The following GALNT12 variants were observed in gnomAD, a reference collection of about 807,000 sequenced individuals.
GALNT12 encodes UDP-GalNAc:polypeptide N-acetylgalactosaminyltransferase 12.
GALNT12 carries 45 observed loss-of-function variants against 55.5 expected under a neutral mutation model. That is an observed-to-expected ratio of 0.81 (90% CI 0.64 to 1.04). GALNT12 has a LOEUF of 1.04. Among genes scored for constraint, GALNT12 ranks in the 50% least tolerant of loss-of-function variants. GALNT12 has a pLI of 0.00. For synonymous variants in GALNT12, 304 were observed against 312.2 expected (o/e 0.97, Z 0.28); for missense variants, 709 against 754.8 (o/e 0.94, Z 0.71).
intron 9 of GALNT12, among the ~76,000 whole-genome samples, chr9:98,848,186 AT>A (rs891720025): frequency 6.6e-6 from 1 of 152,132 alleles, no homozygotes; most frequent in African/African-American, 2.4e-5. Flanking sequence ...ATGAGTTTGG[AT>A]TTTTTTGAAT....
At chr9:98,838,042 G>C (rs978775783) in intron 6 of GALNT12, among the ~76,000 whole-genome samples, 2 of 152,158 alleles carry the variant, frequency 1.3e-5, no homozygotes, top group Admixed American at 6.5e-5. Flanking sequence ...TAGCCAGTAG[G>C]GTGAGTCCAC....
intron 2 of GALNT12, among the ~76,000 whole-genome samples, chr9:98,823,819 G>A (rs973865882): frequency 3.9e-4 from 59 of 152,174 alleles, no homozygotes; most frequent in African/African-American, 1.3e-3. Flanking sequence ...CCAGCTGTGC[G>A]GGGAATGGCC....
intron 1 of GALNT12, among the ~76,000 whole-genome samples, chr9:98,814,555 C>T (rs1484739093): frequency 2.0e-5 from 3 of 151,740 alleles, no homozygotes; most frequent in South Asian, 2.1e-4. Context: ...ACTAAAAATA[C>T]AAAAATTAGC....
rs1272530441 is a variant in GALNT12 at position 98,837,123 on chromosome 9, A to G, written c.1187A>G (p.Tyr396Cys). The G allele has an allele frequency of 1.1e-5, 17 of 1,613,990 alleles. No homozygotes were observed. The highest frequency in any genetic ancestry group is 1.4e-5 in the Non-Finnish European group (17 of 1,180,032). Residue 396 changes from tyrosine (Y) to cysteine (C), a missense_variant, in exon 6 of 10, where the codon TAC (tyrosine) becomes TGC (cysteine). By Grantham distance (194) the Tyr-to-Cys change is radical. This residue lies in a region of GALNT12 where 262 missense variants were observed against 310.7 expected (regional missense o/e 0.84). Coordinates refer to ENST00000375011, the MANE Select transcript of GALNT12 (RefSeq NM_024642.5). ...ATGGATGAATTTAAAGAGCTCTACT[A>G]CCATCGCAACCCCCGTGCCCGCTTG... Reference protein sequence around the residue: ...VWMDEFKELYYHRNPRARLEP... With the variant: ...VWMDEFKELYCHRNPRARLEP...
At chr9:98,814,239 G>C (rs544798474) in intron 1 of GALNT12, among the ~76,000 whole-genome samples, 2 of 152,242 alleles carry the variant, frequency 1.3e-5, no homozygotes, top group Non-Finnish European at 2.9e-5. Flanking sequence ...AATTGGAAAA[G>C]GTTGGCTCTT....
intron 7 of GALNT12, among the ~76,000 whole-genome samples, chr9:98,842,434 C>T (rs1468918106): frequency 1.3e-5 from 2 of 152,174 alleles, no homozygotes; most frequent in African/African-American, 4.8e-5. Context: ...AGCATTTCTC[C>T]TGCCAAGGCC....
chr9:98,835,692 C>T (rs1836124853), intron 5 of GALNT12, among the ~76,000 whole-genome samples: 1 of 151,604 alleles, frequency 6.6e-6, no homozygotes. Flanking sequence ...GAAGTGGCCT[C>T]TTTATTTAGC....
rs200788044 is a variant in GALNT12, at chr9:98,840,127, C to G, written c.1338C>G (p.Phe446Leu). The change falls in exon 7 of 10, where the codon TTC becomes TTG. Residue 446 changes from phenylalanine to leucine, a missense_variant. By Grantham distance (22) the Phe-to-Leu change is conservative (BLOSUM62 0). Coordinates refer to ENST00000375011, the MANE Select transcript of GALNT12 (RefSeq NM_024642.5). Reference sequence around the variant, plus strand: ...TGCCTGAGGACAGGCCTGGCTTCTTCGGGATGGTGAGTGAGGGTGGTGGGC... The same window carrying G: ...TGCCTGAGGACAGGCCTGGCTTCTTGGGGATGGTGAGTGAGGGTGGTGGGC... The part of the protein sequence containing the change: ...LHVPEDRPGF[F>L]GMLQNKGLTD... 34 of 1,613,424 alleles carry G rather than the reference C, an allele frequency of 2.1e-5. No homozygotes were observed. The highest frequency in any genetic ancestry group is 2.8e-5 in the Non-Finnish European group (33 of 1,179,916).
intron 4 of GALNT12, among the ~76,000 whole-genome samples, chr9:98,833,103 T>G (rs1836042592): frequency 6.6e-6 from 1 of 152,086 alleles, no homozygotes; most frequent in Non-Finnish European, 1.5e-5. Flanking sequence ...AGTCAAGCTC[T>G]GAGTAGAATG....
rs142298693 is a variant in GALNT12, at chr9:98,827,268, C to T, written c.731+327C>T. On this transcript the variant is annotated intron_variant, in intron 3 of 9. Transcript: ENST00000375011. Reference sequence around the variant, plus strand: ...GTGTAATGGTGTGATCTCGGCTCACCGCACCCTCTGCCTCCCGGGATCAAG... The same window carrying T: ...GTGTAATGGTGTGATCTCGGCTCACTGCACCCTCTGCCTCCCGGGATCAAG... 3.8e-3 allele frequency among the ~76,000 whole-genome samples: 573 copies of T among 151,664 alleles called. 5 individuals carry two copies. The highest frequency in any genetic ancestry group is 0.012 in the East Asian group (63 of 5,154).
intron 9 of GALNT12, chr9:98,847,222 C>G (rs1210602168): frequency 1.3e-5 from 2 of 152,168 alleles, no homozygotes; most frequent in East Asian, 1.9e-4. Flanking sequence ...AGCTTTCACT[C>G]CCAATATACT....
intron 7 of GALNT12, 60 bp from the exon 8 acceptor site, chr9:98,844,036 T>C: frequency 8.7e-7 from 1 of 1,152,754 alleles, no homozygotes; most frequent in Non-Finnish European, 1.3e-6. Context: ...CCAAGCCTTG[T>C]GTGGCATCTG....
intron 2 of GALNT12, among the ~76,000 whole-genome samples, chr9:98,825,235 A>C (rs1835831688): frequency 6.6e-6 from 1 of 152,254 alleles, no homozygotes. Context: ...AAAGTCAAAG[A>C]GCGGATTATT....
chr9:98,826,624 G>T (rs1835860735), intron 2 of GALNT12, 128 bp from the exon 3 acceptor site: 3 of 951,760 alleles, frequency 3.2e-6, no homozygotes, highest in African/African-American at 3.2e-5. Flanking sequence ...CCAGGTGGCA[G>T]AGCAAAGGAG....
chr9:98,829,108 C>T (rs553845272), intron 3 of GALNT12, among the ~76,000 whole-genome samples: 113 of 152,100 alleles, frequency 7.4e-4, no homozygotes, highest in Non-Finnish European at 1.4e-3. Flanking sequence ...GGATTACAGG[C>T]GTGAGCCACT....
intron 2 of GALNT12, among the ~76,000 whole-genome samples, chr9:98,825,443 C>T (rs1322828922): frequency 6.6e-6 from 1 of 152,148 alleles, no homozygotes; most frequent in Non-Finnish European, 1.5e-5. Flanking sequence ...TGCCTTGCCT[C>T]CCCTCCCCAC....
In GALNT12 at chr9:98,826,842, C is replaced by A. The variant is rs1308828909; in HGVS notation, c.632C>A (p.Ala211Asp). 6.2e-7 allele frequency: 1 copy of A among 1,610,282 alleles called. No individual in the cohort carries two copies. The highest frequency in any genetic ancestry group is 8.5e-7 in the Non-Finnish European group (1 of 1,178,762). ...AACAAGAGAGAGGGCCTGGTGCGAG[C>A]CCGGCTGCTGGGGGCGTCTGCGGCG... ...RANKREGLVRARLLGASAARG... is the reference protein window; with the variant it reads ...RANKREGLVRDRLLGASAARG... The change falls in exon 3 of 10, where the codon GCC becomes GAC. Residue 211 changes from alanine to aspartate, a missense_variant. Transcript: ENST00000375011.
intron 4 of GALNT12, among the ~76,000 whole-genome samples, chr9:98,832,628 C>T (rs1362064053): frequency 6.6e-6 from 1 of 152,128 alleles, no homozygotes; most frequent in Non-Finnish European, 1.5e-5. Flanking sequence ...TTTCATCATC[C>T]CACACAGAAA....
chr9:98,819,762 G>A (rs898285183), intron 1 of GALNT12, among the ~76,000 whole-genome samples: 1 of 151,958 alleles, frequency 6.6e-6, no homozygotes, highest in African/African-American at 2.4e-5. Context: ...GTGATACAGG[G>A]ATCTTTAGAT....
Sources: allele counts gnomAD v4.1 joint callset (sites outside exome capture counted in the v4.1 genomes callset), GRCh38; gene constraint gnomAD v4.1.1; regional missense constraint gnomAD v4.1.1; transcripts MANE v1.5; gene names NCBI Gene and HGNC (gene_info 2026-07-23, HGNC 2026-07-21).